Variants in TRPM3 observed in about 807,000 individuals in gnomAD.
TRPM3 encodes transient receptor potential cation channel subfamily M member 3.
In TRPM3, 77 loss-of-function variants were observed where a neutral mutation model predicts 181.2. The ratio of observed to expected loss-of-function variants is 0.42; its 90% CI spans 0.35 to 0.51. TRPM3 has a LOEUF of 0.51. Ranked by LOEUF, TRPM3 falls within the 20% of genes least tolerant of loss-of-function variation. The pLI is 0.01. For synonymous variants in TRPM3, 745 were observed against 796.4 expected (o/e 0.94, Z 1.09); for missense variants, 1,759 against 2,196.7 (o/e 0.80, Z 3.98).
intron 1 of TRPM3, among the ~76,000 whole-genome samples, chr9:71,310,170 C>A (rs1398909619): frequency 1.3e-5 from 2 of 151,836 alleles, no homozygotes; most frequent in African/African-American, 2.4e-5. Flanking sequence ...GAAATTAAAT[C>A]TCTGAAATTA....
rs1331780011 is a variant in TRPM3, at chr9:70,639,194, C to A, written c.1447G>T (p.Val483Leu). The A allele has an allele frequency of 6.2e-7, 1 of 1,613,594 alleles. No homozygotes were observed. Among genetic ancestry groups the A allele is most frequent in the Admixed American group, 1.7e-5 (1 of 59,954 alleles). ...AACATGGCTTGCTCCAGAGATCCCACCTGCAAACCAAGTCACTGAGTTAGT... is the reference window on the plus strand; with the variant it reads ...AACATGGCTTGCTCCAGAGATCCCAACTGCAAACCAAGTCACTGAGTTAGT... ...QIFIYGQQWP[V>L]GSLEQAMLDA... is the part of the protein sequence containing the mutation. The change falls in exon 11 of 26, where the codon GTG (valine) becomes TTG (leucine). Residue 483 changes from valine to leucine, a missense_variant and splice_region_variant. Physicochemically the swap from Val to Leu is conservative, Grantham distance 32. Coordinates refer to ENST00000677713, the MANE Select transcript of TRPM3 (RefSeq NM_001366145.2).
At position 71,270,053 on chromosome 9, in the gene TRPM3, T is replaced by G. The variant is rs190666007; in HGVS notation, c.183+176600A>C. The stretch of plus-strand genomic sequence containing the variant: ...ATCCGGTTCTTTTCTCATAATTGTA[T>G]TTTTGTTCAATATGTAGTCATGCAG... On this transcript the variant is annotated intron_variant, in intron 1 of 24. Transcript: ENST00000357533. Among the ~76,000 whole-genome samples the G allele has an allele frequency of 3.6e-3, 550 of 152,302 alleles. 1 individual carries two copies. Among genetic ancestry groups the G allele is most frequent in the African/African-American group, 0.013 (521 of 41,572 alleles).
chr9:70,983,329 T>G (rs912279781), intron 1 of TRPM3, among the ~76,000 whole-genome samples: 1 of 152,082 alleles, frequency 6.6e-6, no homozygotes, highest in African/African-American at 2.4e-5. Context: ...TATTCTCACT[T>G]TTTACTACTT....
At chr9:70,855,163 A>G (rs1291481599) in intron 3 of TRPM3, among the ~76,000 whole-genome samples, 2 of 152,206 alleles carry the variant, frequency 1.3e-5, no homozygotes, top group African/African-American at 2.4e-5. Context: ...GCAGAACTCA[A>G]CTTTATCATG....
At chr9:71,408,523 A>G (rs2093480768) in intron 1 of TRPM3, among the ~76,000 whole-genome samples, 1 of 152,208 alleles carries the variant, frequency 6.6e-6, no homozygotes, top group Non-Finnish European at 1.5e-5. Flanking sequence ...GATCAAATGA[A>G]TGAAATGAAG....
At chr9:70,633,685 C>T (rs540782624) in intron 12 of TRPM3, among the ~76,000 whole-genome samples, 1 of 152,244 alleles carries the variant, frequency 6.6e-6, no homozygotes, top group East Asian at 1.9e-4. Flanking sequence ...ATAAGTAGCC[C>T]CAAGGCCTTT....
intron 22 of TRPM3, among the ~76,000 whole-genome samples, chr9:70,561,680 AT>A (rs1003038215): frequency 4.6e-5 from 7 of 152,188 alleles, no homozygotes; most frequent in Non-Finnish European, 8.8e-5. Context: ...CTAACTGATA[AT>A]GATATGGCGC....
chr9:70,546,099 T>C (rs2044804912), intron 25 of TRPM3, among the ~76,000 whole-genome samples: 1 of 152,196 alleles, frequency 6.6e-6, no homozygotes, highest in South Asian at 2.1e-4. Context: ...ACAAGCAATC[T>C]GTACTCAGTG....
rs533600172 is a variant in TRPM3, at chr9:71,401,611, C to A, written c.183+45042G>T. ...CAAGAATTCATTGCATGTTCTAGAACAAATAATGATATTCTGAAAGCAGTT... is the reference window on the plus strand; with the variant it reads ...CAAGAATTCATTGCATGTTCTAGAAAAAATAATGATATTCTGAAAGCAGTT... On this transcript the variant is annotated intron_variant, in intron 1 of 24. Transcript: ENST00000357533. Among the ~76,000 whole-genome samples, 6 of 152,226 alleles carry A rather than the reference C, an allele frequency of 3.9e-5. No homozygotes were observed. In the East Asian group the frequency reaches 7.7e-4, roughly 20 times the overall value.
At chr9:70,980,962 T>A (rs1241354490) in intron 1 of TRPM3, among the ~76,000 whole-genome samples, 1 of 152,246 alleles carries the variant, frequency 6.6e-6, no homozygotes, top group East Asian at 1.9e-4. Flanking sequence ...GCAATTCCGA[T>A]ACATATGTAC....
At chr9:71,208,828 T>C (rs2079292523) in intron 1 of TRPM3, among the ~76,000 whole-genome samples, 1 of 152,188 alleles carries the variant, frequency 6.6e-6, no homozygotes, top group South Asian at 2.1e-4. Context: ...ATTGAGATGG[T>C]CAGGGACACA....
chr9:71,147,324 G>A (rs1395762388), intron 1 of TRPM3, among the ~76,000 whole-genome samples: 1 of 151,870 alleles, frequency 6.6e-6, no homozygotes, highest in East Asian at 1.9e-4. Flanking sequence ...AACCCAGATA[G>A]AAAAATTTAA....
chr9:70,975,165 G>T (rs531401281), intron 1 of TRPM3, among the ~76,000 whole-genome samples: 2 of 152,066 alleles, frequency 1.3e-5, no homozygotes, highest in African/African-American at 4.8e-5. Context: ...ACCGCACCCC[G>T]CCTGGAACAT....
intron 24 of TRPM3, among the ~76,000 whole-genome samples, chr9:70,551,734 G>A (rs1430973178): frequency 6.6e-6 from 1 of 152,152 alleles, no homozygotes; most frequent in African/African-American, 2.4e-5. Flanking sequence ...GCATCCCGCT[G>A]CCCCTGATTT....
At chr9:71,166,755 A>G (rs1237849938) in intron 1 of TRPM3, among the ~76,000 whole-genome samples, 1 of 152,234 alleles carries the variant, frequency 6.6e-6, no homozygotes, top group East Asian at 1.9e-4. Flanking sequence ...TAGAAGCTCA[A>G]ATGTGAAACT....
intron 25 of TRPM3, among the ~76,000 whole-genome samples, chr9:70,543,081 T>C (rs1381860443): frequency 6.6e-6 from 1 of 152,216 alleles, no homozygotes; most frequent in East Asian, 1.9e-4. Flanking sequence ...GAAGCTCAGC[T>C]TTTTGGCTTA....
chr9:71,072,286 AT>A (rs1054794131), intron 1 of TRPM3, among the ~76,000 whole-genome samples: 1 of 152,094 alleles, frequency 6.6e-6, no homozygotes, highest in African/African-American at 2.4e-5. Context: ...TCATGAATTA[AT>A]TTTTTTAAGT....
rs184385806 is a variant in TRPM3 at position 71,134,517 on chromosome 9, A to C, written c.184-270006T>G. Among the ~76,000 whole-genome samples, 6 of 145,414 alleles carry C rather than the reference A, an allele frequency of 4.1e-5. No individual in the cohort carries two copies. The East Asian group carries it at 1.2e-3, about 30-fold the overall frequency. ...CAGTGAGCCAAGATCGTGACAGTGC[A>C]CTATAGCCTGGTGACAGAGCAATGC... On this transcript the variant is annotated intron_variant, in intron 1 of 24. Transcript: ENST00000357533.
chr9:70,622,917 C>T (rs934783939), intron 14 of TRPM3, among the ~76,000 whole-genome samples: 1 of 151,696 alleles, frequency 6.6e-6, no homozygotes, highest in Non-Finnish European at 1.5e-5. Flanking sequence ...TCATTTTTTT[C>T]TTATTTATAG....
Sources: allele counts gnomAD v4.1 joint callset (sites outside exome capture counted in the v4.1 genomes callset), GRCh38; gene constraint gnomAD v4.1.1; transcripts MANE v1.5; gene names NCBI Gene and HGNC (gene_info 2026-07-23, HGNC 2026-07-21).